Variants in RPL35A observed in about 807,000 individuals in gnomAD.
RPL35A encodes the protein ribosomal protein L35a, also known as large ribosomal subunit protein eL33.
Under a neutral mutation model 16.7 loss-of-function variants are expected in RPL35A, and 1 was observed. That is an observed-to-expected ratio of 0.06 (90% CI 0.02 to 0.28). The LOEUF is 0.28. Ranked by LOEUF, RPL35A falls within the 10% of genes least tolerant of loss-of-function variation. The pLI, the probability that RPL35A is intolerant of heterozygous loss-of-function variation, is 1.00. For missense variants in RPL35A, 91 were observed against 138.7 expected, an observed-to-expected ratio of 0.66 and a Z score of 1.73; for synonymous variants, 58 against 47.0, an observed-to-expected ratio of 1.23 and a Z score of -0.96.
intron 4 of RPL35A, chr3:197,954,522 T>A: frequency 3.0e-6 from 1 of 337,012 alleles, no homozygotes; most frequent in East Asian, 8.0e-5. Flanking sequence ...TTTGTTGTGT[T>A]TTTTTGAGAC....
Position 197,955,730 on chromosome 3 carries a change from G to A in RPL35A, c.310-20G>A, listed in dbSNP as rs200360699. 136 of 1,589,456 alleles carry A rather than the reference G, an allele frequency of 8.6e-5. No homozygotes were observed. The highest frequency in any genetic ancestry group is 1.1e-4 in the African/African-American group (8 of 74,320). Reference sequence around the variant, plus strand: ...ATATATAACATTCACCTAATGTTTTGTGTTCTTTTTTCCCTGCAGATGCTG... The same window carrying A: ...ATATATAACATTCACCTAATGTTTTATGTTCTTTTTTCCCTGCAGATGCTG... On this transcript the variant is annotated intron_variant, in intron 4 of 4. Transcript: ENST00000647248.
At position 197,956,109 on chromosome 3, in the gene RPL35A, A is replaced by G. The variant is rs1458830232; in HGVS notation, c.*336A>G. The G allele has an allele frequency of 1.3e-5, 4 of 309,122 alleles. No homozygotes were observed. Among genetic ancestry groups the G allele is most frequent in the South Asian group, 6.8e-5 (2 of 29,266 alleles). 19.1% of individuals were successfully genotyped at this position (309,122 alleles called of 1,614,324 possible). On this transcript the variant is annotated 3_prime_UTR_variant, in exon 5 of 5. Transcript: ENST00000647248. ...GTAGCTGGGACCACAGGCTCATGCC[A>G]CCATCCCTGGGTCATTTTTAAATTT...
At chr3:197,950,252 G>A in intron 1 of RPL35A, 31 bp downstream of exon 1, 3 of 1,230,520 alleles carry the variant, frequency 2.4e-6, no homozygotes, top group Non-Finnish European at 3.0e-6. Context: ...TGAAATTTGG[G>A]GGCAAATAAC....
At position 197,952,993 on chromosome 3, in the gene RPL35A, G is replaced by A. The variant is rs576534690; in HGVS notation, c.165-1010G>A. Among the ~76,000 whole-genome samples, 8 of 151,874 alleles carry A rather than the reference G, an allele frequency of 5.3e-5. No homozygotes were observed. The East Asian group carries it at 1.2e-3, about 22-fold the overall frequency. On this transcript the variant is annotated intron_variant, in intron 3 of 4. Transcript: ENST00000647248. ...CTTTTGTATTTTTAGTAGAGACAGGGTTTCACCATGTTGGCCAGGCTGGTC... is the reference window on the plus strand; with the variant it reads ...CTTTTGTATTTTTAGTAGAGACAGGATTTCACCATGTTGGCCAGGCTGGTC...
chr3:197,953,844 C>T (rs998095353), intron 3 of RPL35A, 159 bp from the exon 4 acceptor site: 4 of 716,384 alleles, frequency 5.6e-6, no homozygotes, highest in African/African-American at 3.5e-5. Context: ...AATAGTTACT[C>T]GATAAGTATC....
At chr3:197,953,926 A>C in intron 3 of RPL35A, 77 bp from the exon 4 acceptor site, 1 of 1,491,296 alleles carries the variant, frequency 6.7e-7, no homozygotes, top group Non-Finnish European at 9.3e-7. Context: ...GTTGAGAGCC[A>C]CTCGTGTAGA....
intron 4 of RPL35A, chr3:197,954,380 C>T: frequency 3.5e-6 from 2 of 567,590 alleles, no homozygotes; most frequent in Admixed American, 2.9e-5. Flanking sequence ...GTCACCCAGG[C>T]TGGGGTGCAG....
At chr3:197,951,434 C>A in intron 3 of RPL35A, 123 bp downstream of exon 3, 1 of 1,052,910 alleles carries the variant, frequency 9.5e-7, no homozygotes, top group Non-Finnish European at 1.5e-6. Flanking sequence ...CTCACCGAAA[C>A]CTCCGCCTCC....
Position 197,953,350 on chromosome 3 carries a change from T to G in RPL35A, c.165-653T>G, listed in dbSNP as rs1336829454. 6 of 437,772 alleles carry G rather than the reference T, an allele frequency of 1.4e-5. No individual in the cohort carries two copies. In the East Asian group the frequency reaches 3.5e-4, roughly 26 times the overall value. 27.1% of individuals were successfully genotyped at this position (437,772 alleles called of 1,614,324 possible). On this transcript the variant is annotated intron_variant, in intron 3 of 4. Transcript: ENST00000647248. Reference sequence around the variant, plus strand: ...ATGATTGGGCCACTGTACTGCAGCCTGGGTGACAAGACAACCCCGTGGTCT... The same window carrying G: ...ATGATTGGGCCACTGTACTGCAGCCGGGGTGACAAGACAACCCCGTGGTCT...
intron 4 of RPL35A, 188 bp downstream of exon 4, chr3:197,954,335 T>G (rs1398796594): frequency 4.4e-6 from 3 of 681,090 alleles, no homozygotes; most frequent in Non-Finnish European, 5.0e-6. Context: ...GTTTGTTTTT[T>G]GTTTTTTTTT....
At chr3:197,950,774 C>G in intron 1 of RPL35A, 162 bp from the exon 2 acceptor site, 1 of 643,882 alleles carries the variant, frequency 1.6e-6, no homozygotes, top group Non-Finnish European at 2.7e-6. Context: ...GAATGTCTTG[C>G]CGGACCCTGC....
At position 197,952,952 on chromosome 3, in the gene RPL35A, C is replaced by A. The variant is rs554839402; in HGVS notation, c.165-1051C>A. On this transcript the variant is annotated intron_variant, in intron 3 of 4. Transcript: ENST00000647248. Reference sequence around the variant, plus strand: ...AGTAGCTGGGATTACAGGCGCGCACCACCACACCCGGCTAACTTTTGTATT... The same window carrying A: ...AGTAGCTGGGATTACAGGCGCGCACAACCACACCCGGCTAACTTTTGTATT... Among the ~76,000 whole-genome samples, 5 of 152,122 alleles carry A rather than the reference C, an allele frequency of 3.3e-5. No homozygotes were observed. In the East Asian group the frequency reaches 9.7e-4, roughly 29 times the overall value.
chr3:197,951,536 A>G, intron 3 of RPL35A: 1 of 522,106 alleles, frequency 1.9e-6, no homozygotes, highest in Non-Finnish European at 3.4e-6. Context: ...TATTATTAGT[A>G]GAGACAGGGT....
rs539395358 is a variant in RPL35A, at chr3:197,956,230, A to C, written c.*457A>C. On this transcript the variant is annotated 3_prime_UTR_variant, in exon 5 of 5. Transcript: ENST00000647248. Reference sequence around the variant, plus strand: ...GGCCTCTCCTGAAGTGCTGGGATACAGTTATGAGCCACCACACCTGCCAAG... The same window carrying C: ...GGCCTCTCCTGAAGTGCTGGGATACCGTTATGAGCCACCACACCTGCCAAG... 9 of 192,446 alleles carry C rather than the reference A, an allele frequency of 4.7e-5. No homozygotes were observed. The highest frequency in any genetic ancestry group is 9.9e-5 in the Non-Finnish European group (9 of 90,998). 11.9% of individuals were successfully genotyped at this position (192,446 alleles called of 1,614,324 possible).
intron 3 of RPL35A, chr3:197,952,478 T>C (rs1400296406): frequency 2.6e-5 from 4 of 152,016 alleles, no homozygotes; most frequent in African/African-American, 4.8e-5. Context: ...CCTTGTTTTT[T>C]CTTTTCTTTC....
intron 4 of RPL35A, chr3:197,954,500 A>G (rs569271159): frequency 2.0e-5 from 7 of 342,826 alleles, no homozygotes; most frequent in South Asian, 1.5e-4. Context: ...CACCCAGCTA[A>G]TTTTTGGGGT....
At chr3:197,951,761 C>T (rs181129560) in intron 3 of RPL35A, 172 of 180,772 alleles carry the variant, frequency 9.5e-4, no homozygotes, top group Admixed American at 2.0e-3. Context: ...GGCAGTAGCG[C>T]GATCTTGGCT....
chr3:197,953,690 T>C (rs1720303621), intron 3 of RPL35A: 1 of 440,920 alleles, frequency 2.3e-6, no homozygotes, highest in African/African-American at 2.0e-5. Context: ...CACACAAATA[T>C]CCTCACACTT....
rs958292098 is a variant in RPL35A at position 197,951,410 on chromosome 3, G to A, written c.164+99G>A. The A allele has an allele frequency of 2.8e-5, 37 of 1,331,932 alleles. No individual in the cohort carries two copies. The African/African-American group carries it at 4.9e-4, about 18-fold the overall frequency. 82.5% of individuals were successfully genotyped at this position (1,331,932 alleles called of 1,614,324 possible). A position where few individuals can be genotyped will look rare whatever the true frequency, so the allele number is the denominator to read the frequency against. ...GCTCTGTTGCCGAGGCTGGAATGCA[G>A]TGACTTGGTCTCCCTCACCGAAACC... On this transcript the variant is annotated intron_variant, in intron 3 of 4. Coordinates refer to ENST00000647248, the MANE Select transcript of RPL35A (RefSeq NM_000996.4).
Sources: gnomAD v4.1 joint callset for allele counts (sites outside exome capture counted in the v4.1 genomes callset) on GRCh38, gnomAD v4.1.1 for gene constraint, MANE v1.5 for transcripts, NCBI Gene and HGNC (gene_info 2026-07-23, HGNC 2026-07-21) for gene names.